CDK19: variants seen among roughly 807,000 people sequenced by gnomAD.
CDK19 encodes the protein cyclin dependent kinase 19.
In CDK19, 20 loss-of-function variants were observed where a neutral mutation model predicts 68.3. The ratio of observed to expected loss-of-function variants is 0.29; its 90% CI spans 0.21 to 0.43. The LOEUF (loss-of-function observed/expected upper bound fraction) is 0.43. Ranked by LOEUF, CDK19 falls within the 20% of genes least tolerant of loss-of-function variation. CDK19 has a pLI of 1.00. For missense variants in CDK19, 339 were observed against 623.5 expected, an observed-to-expected ratio of 0.54 and a Z score of 4.86; for synonymous variants, 221 against 222.8, an observed-to-expected ratio of 0.99 and a Z score of 0.07.
At chr6:110,654,952 A>G (rs533296353) in intron 4 of CDK19, among the ~76,000 whole-genome samples, 6 of 152,240 alleles carry the variant, frequency 3.9e-5, no homozygotes, top group African/African-American at 7.2e-5. Flanking sequence ...CAAAAAAAAA[A>G]AAAGAAAGAA....
chr6:110,707,151 G>A (rs187476946), intron 2 of CDK19, among the ~76,000 whole-genome samples: 33 of 151,732 alleles, frequency 2.2e-4, no homozygotes, highest in African/African-American at 4.6e-4. Flanking sequence ...TAGTAGAGAC[G>A]ATGGTGAAAC....
intron 9 of CDK19, 96 bp downstream of exon 9, chr6:110,623,193 TA>T: frequency 1.0e-6 from 1 of 981,018 alleles, no homozygotes; most frequent in Non-Finnish European, 1.6e-6. Flanking sequence ...CAGCATCCAC[TA>T]ATTTCTTTTG....
rs1441277429 is a variant in CDK19, at chr6:110,790,781, C to T, written c.128+24228G>A. Among the ~76,000 whole-genome samples the T allele has an allele frequency of 2.0e-5, 3 of 152,176 alleles. No homozygotes were observed. In the South Asian group the frequency reaches 6.2e-4, roughly 32 times the overall value. ...AACTGGACATCTGTTGATCACAGTG[C>T]TATTTATAATAATAAAAAGTTATAA... On this transcript the variant is annotated intron_variant, in intron 1 of 12. Coordinates refer to ENST00000368911, the MANE Select transcript of CDK19 (RefSeq NM_015076.5).
intron 2 of CDK19, among the ~76,000 whole-genome samples, chr6:110,713,211 A>C (rs1775087968): frequency 6.6e-6 from 1 of 151,270 alleles, no homozygotes; most frequent in Admixed American, 6.6e-5. Flanking sequence ...AAAAAAAAAA[A>C]AGCAACATAC....
intron 2 of CDK19, among the ~76,000 whole-genome samples, chr6:110,740,540 T>C (rs1777578719): frequency 6.6e-6 from 1 of 152,206 alleles, no homozygotes; most frequent in South Asian, 2.1e-4. Context: ...ACACATTTCA[T>C]TCTTAAACGT....
chr6:110,719,166 G>C (rs764873419), intron 2 of CDK19, among the ~76,000 whole-genome samples: 14 of 151,944 alleles, frequency 9.2e-5, no homozygotes, highest in Non-Finnish European at 2.1e-4. Context: ...GAAAGCATGA[G>C]ACAAAAAACA....
chr6:110,673,926 G>C (rs1771241511), intron 2 of CDK19, among the ~76,000 whole-genome samples: 1 of 152,088 alleles, frequency 6.6e-6, no homozygotes, highest in Admixed American at 6.6e-5. Flanking sequence ...CATACAGATA[G>C]TTACTTCGTT....
intron 12 of CDK19, among the ~76,000 whole-genome samples, chr6:110,619,462 G>A (rs147760797): frequency 1.6e-4 from 25 of 151,926 alleles, no homozygotes; most frequent in African/African-American, 5.8e-4. Flanking sequence ...TAGAGGAGGT[G>A]TTGTCTGCAA....
chr6:110,800,633 A>G lies in CDK19; in HGVS notation c.128+14376T>C, dbSNP rs529020521. 6.6e-5 allele frequency among the ~76,000 whole-genome samples: 10 copies of G among 152,292 alleles called. No individual in the cohort carries two copies. In the South Asian group the frequency reaches 2.1e-3, roughly 32 times the overall value. Reference sequence around the variant, plus strand: ...AAGTGGGCTTTATTCCTGGGATGCAAGGATGGTTCAACACATACAAATCAA... The same window carrying G: ...AAGTGGGCTTTATTCCTGGGATGCAGGGATGGTTCAACACATACAAATCAA... On this transcript the variant is annotated intron_variant, in intron 1 of 12. Transcript: ENST00000368911.
chr6:110,751,704 T>A (rs945833174), intron 1 of CDK19, among the ~76,000 whole-genome samples: 2 of 152,168 alleles, frequency 1.3e-5, no homozygotes, highest in Non-Finnish European at 2.9e-5. Flanking sequence ...AACAATTCTA[T>A]GAAGTTTGCT....
chr6:110,795,502 G>A (rs911180345), intron 1 of CDK19, among the ~76,000 whole-genome samples: 1 of 152,138 alleles, frequency 6.6e-6, no homozygotes, highest in African/African-American at 2.4e-5. Flanking sequence ...CTGTCAAATT[G>A]TGATAAAGAA....
chr6:110,710,059 G>A (rs1005981524), intron 2 of CDK19, among the ~76,000 whole-genome samples: 3 of 152,092 alleles, frequency 2.0e-5, no homozygotes, highest in Admixed American at 6.6e-5. Context: ...ATACAGAATT[G>A]AAAGTATGGT....
intron 1 of CDK19, among the ~76,000 whole-genome samples, chr6:110,806,976 T>A (rs1327702492): frequency 1.3e-5 from 2 of 149,726 alleles, no homozygotes; most frequent in Non-Finnish European, 3.0e-5. Context: ...AGACTCCGTC[T>A]CAATAAATAA....
At chr6:110,738,476 C>T (rs537245380) in intron 2 of CDK19, among the ~76,000 whole-genome samples, 38 of 152,062 alleles carry the variant, frequency 2.5e-4, no homozygotes, top group Admixed American at 1.2e-3. Flanking sequence ...GCCGAGATCG[C>T]GCCACTGCAC....
chr6:110,622,345 T>C (rs1038831384), intron 10 of CDK19, among the ~76,000 whole-genome samples, 179 bp from the exon 11 acceptor site: 12 of 152,228 alleles, frequency 7.9e-5, no homozygotes, highest in African/African-American at 2.9e-4. Flanking sequence ...AGTTTCTCTA[T>C]ACTAACTTCA....
chr6:110,720,457 C>T (rs189862155), intron 2 of CDK19, among the ~76,000 whole-genome samples: 6 of 152,274 alleles, frequency 3.9e-5, no homozygotes, highest in Admixed American at 2.0e-4. Context: ...CACTGTTTTA[C>T]GTCTCAATGG....
At chr6:110,710,068 G>C (rs1396419663) in intron 2 of CDK19, among the ~76,000 whole-genome samples, 1 of 152,132 alleles carries the variant, frequency 6.6e-6, no homozygotes, top group Non-Finnish European at 1.5e-5. Context: ...TGAAAGTATG[G>C]TATATAACTG....
rs190669324 is a variant in CDK19, at chr6:110,643,954, G to T, written c.457-5248C>A. On this transcript the variant is annotated intron_variant, in intron 4 of 12. Transcript: ENST00000368911. The stretch of plus-strand genomic sequence containing the variant: ...TTTAATTAAATTAATTAAAAATTAA[G>T]TTAATTTAATTTAATTAAACATTAT... Among the ~76,000 whole-genome samples the T allele has an allele frequency of 5.9e-3, 898 of 151,822 alleles. 8 individuals are homozygous for T. Among genetic ancestry groups the T allele is most frequent in the African/African-American group, 0.019 (777 of 41,464 alleles).
intron 4 of CDK19, among the ~76,000 whole-genome samples, chr6:110,660,691 C>G (rs1468198133): frequency 5.3e-5 from 8 of 152,212 alleles, no homozygotes; most frequent in African/African-American, 1.9e-4. Flanking sequence ...GCTACACCAT[C>G]AAGCTGTCCT....
Sources: gnomAD v4.1 joint callset for allele counts (sites outside exome capture counted in the v4.1 genomes callset) on GRCh38, gnomAD v4.1.1 for gene constraint, MANE v1.5 for transcripts, NCBI Gene and HGNC (gene_info 2026-07-23, HGNC 2026-07-21) for gene names.